The following ATPAF1 variants were observed in gnomAD, a reference collection of about 807,000 sequenced individuals.
ATPAF1 encodes ATP synthase mitochondrial F1 complex assembly factor 1.
Under a neutral mutation model 43.9 loss-of-function variants are expected in ATPAF1, and 26 were observed. That is an observed-to-expected ratio of 0.59 (90% CI 0.43 to 0.82). The LOEUF (loss-of-function observed/expected upper bound fraction) is 0.82. Among genes scored for constraint, ATPAF1 ranks in the 40% least tolerant of loss-of-function variants. The probability of loss-of-function intolerance (pLI) is 0.00; values close to 1 mark genes in which losing one functional copy is unlikely to be tolerated. For missense variants in ATPAF1, 366 were observed against 435.0 expected (o/e 0.84, Z 1.41); for synonymous variants, 157 against 168.0 (o/e 0.93, Z 0.50).
chr1:46,663,755 G>A, intron 2 of ATPAF1: 2 of 852,812 alleles, frequency 2.3e-6, no homozygotes, highest in East Asian at 8.6e-5. Context: ...GGCAAAAAAA[G>A]TATTTTCCAA....
chr1:46,662,272 T>C (rs1031707037), intron 2 of ATPAF1, among the ~76,000 whole-genome samples: 15 of 152,326 alleles, frequency 9.8e-5, no homozygotes, highest in African/African-American at 3.4e-4. Flanking sequence ...GTTTATAATA[T>C]AGTAATATTT....
At chr1:46,657,472 G>T (rs1165848803) in intron 4 of ATPAF1, among the ~76,000 whole-genome samples, 1 of 152,116 alleles carries the variant, frequency 6.6e-6, no homozygotes, top group Non-Finnish European at 1.5e-5. Flanking sequence ...GAACATTTGT[G>T]ACCAGGTTCC....
upstream of ATPAF1, chr1:46,668,452 G>C (rs1340177242): frequency 4.4e-6 from 5 of 1,133,702 alleles, no homozygotes; most frequent in Non-Finnish European, 4.3e-6. The surrounding 1 kb of genome is among the most constrained non-coding windows in gnomAD (Gnocchi z 4.4). Flanking sequence ...CCAAGGTTCC[G>C]GGCGCGGGAT....
At position 46,654,154 on chromosome 1, in the gene ATPAF1, C is replaced by T. The variant is rs76452199; in HGVS notation, c.490-287G>A. Among the ~76,000 whole-genome samples the T allele has an allele frequency of 5.9e-3, 903 of 152,228 alleles. 11 individuals carry two copies. Among genetic ancestry groups the T allele is most frequent in the East Asian group, 0.033 (173 of 5,184 alleles). On this transcript the variant is annotated intron_variant, in intron 4 of 8. Transcript: ENST00000574428. ...TATGTGCCTTGTGTGTGATAGACAA[C>T]TTCTTTTTTTTCACATTTTTATTTC...
intron 2 of ATPAF1, among the ~76,000 whole-genome samples, chr1:46,662,984 C>A (rs1354296284): frequency 1.3e-5 from 2 of 152,058 alleles, no homozygotes; most frequent in Admixed American, 6.5e-5. Context: ...TTCCTGTGTC[C>A]ATGTGTTCTC....
chr1:46,662,396 T>C (rs61784003), intron 2 of ATPAF1, among the ~76,000 whole-genome samples: 39,867 of 152,078 alleles, frequency 0.26, 5,526 homozygotes, highest in East Asian at 0.38. Context: ...GTAAACTCTA[T>C]TTGTCATAGG....
chr1:46,650,490 C>T (rs1404330726), intron 6 of ATPAF1, among the ~76,000 whole-genome samples: 1 of 152,026 alleles, frequency 6.6e-6, no homozygotes, highest in Non-Finnish European at 1.5e-5. Flanking sequence ...AAAAAGAGAA[C>T]TACCACATGA....
intron 2 of ATPAF1, among the ~76,000 whole-genome samples, chr1:46,662,718 C>T (rs898548583): frequency 4.6e-5 from 7 of 152,188 alleles, no homozygotes; most frequent in South Asian, 2.1e-4. Flanking sequence ...TGAGCCACTG[C>T]GCCTGGCAAC....
downstream of ATPAF1, chr1:46,634,230 G>A (rs915738489): frequency 4.2e-5 from 9 of 215,718 alleles, no homozygotes; most frequent in South Asian, 4.3e-4. Context: ...CACAAACTGC[G>A]AATACTGCTT....
At position 46,668,356 on chromosome 1, in the gene ATPAF1, G is replaced by C. The variant is rs1381802810; in HGVS notation, c.-34C>G. On this transcript the variant is annotated 5_prime_UTR_variant, in exon 1 of 9. Transcript: ENST00000574428. The surrounding 1 kb of genome is among the most constrained non-coding windows in gnomAD (Gnocchi z 4.4). ...CCGCCTCCTCCTCCTCCTCAGGCGC[G>C]TCGGCCTCGGCCCGCGGCCCGCGCG... 10 of 1,316,722 alleles carry C rather than the reference G, an allele frequency of 7.6e-6. No homozygotes were observed. The highest frequency in any genetic ancestry group is 9.7e-6 in the Non-Finnish European group (10 of 1,029,574). 81.6% of individuals were successfully genotyped at this position (1,316,722 alleles called of 1,614,324 possible).
intron 8 of ATPAF1, chr1:46,636,238 A>G (rs1675838721): frequency 1.9e-6 from 1 of 515,416 alleles, no homozygotes; most frequent in Admixed American, 3.2e-5. Context: ...TTCCTCAAAG[A>G]CATAGACCGT....
intron 8 of ATPAF1, among the ~76,000 whole-genome samples, chr1:46,638,249 C>T (rs1343910382): frequency 6.6e-6 from 1 of 152,168 alleles, no homozygotes; most frequent in Non-Finnish European, 1.5e-5. Context: ...GGTCCCTTCA[C>T]CTGTTTTAGC....
At chr1:46,642,598 G>A (rs1201294056) in intron 8 of ATPAF1, among the ~76,000 whole-genome samples, 1 of 152,128 alleles carries the variant, frequency 6.6e-6, no homozygotes, top group East Asian at 1.9e-4. Flanking sequence ...AATGATGAAT[G>A]TTGTATAAAT....
chr1:46,644,466 GGTT>G (rs1352963653), intron 7 of ATPAF1, among the ~76,000 whole-genome samples: 1 of 152,050 alleles, frequency 6.6e-6, no homozygotes. Flanking sequence ...CTCAATAAAG[GGTT>G]GTTAGACATA....
chr1:46,665,323 C>A (rs1433832311), exon 2 of ATPAF1: 2 of 1,614,280 alleles, frequency 1.2e-6, no homozygotes, highest in Non-Finnish European at 1.7e-6. Flanking sequence ...CCGAAATTCA[C>A]TGCGTTTCTC....
rs768670861 is a variant in ATPAF1 at position 46,652,635 on chromosome 1, G to A, written c.541-7C>T. On this transcript the variant is annotated splice_region_variant and splice_polypyrimidine_tract_variant and intron_variant, in intron 5 of 8. Coordinates refer to ENST00000574428, the Ensembl canonical transcript of ATPAF1. ...TCAAATCAAACTTTTCTGCCTGTAG[G>A]TTGGAAAAGAATAAAGTTAACCTAC... 1.2e-6 allele frequency: 2 copies of A among 1,611,876 alleles called. No individual in the cohort carries two copies. Among genetic ancestry groups the A allele is most frequent in the Non-Finnish European group, 1.7e-6 (2 of 1,178,618 alleles).
rs183964622 is a variant in ATPAF1 at position 46,648,326 on chromosome 1, G to T, written c.589-3070C>A. ...GGGTTTTCGCCATATTGGCCAGGCT[G>T]GTCTTGAACTTCGGACCTCAAGTGA... On this transcript the variant is annotated intron_variant, in intron 6 of 8. Coordinates refer to ENST00000574428, the Ensembl canonical transcript of ATPAF1. Among the ~76,000 whole-genome samples the T allele has an allele frequency of 2.3e-3, 350 of 152,198 alleles. 3 individuals carry two copies. The highest frequency in any genetic ancestry group is 8.0e-3 in the African/African-American group (333 of 41,524).
At chr1:46,634,871 C>T (rs966328804), downstream of ATPAF1, 2 of 152,588 alleles carry the variant, frequency 1.3e-5, no homozygotes, top group African/African-American at 2.4e-5. Context: ...ACACAATGGA[C>T]AGTACATAAC....
chr1:46,652,444 A>C, intron 6 of ATPAF1, 137 bp downstream of exon 6: 1 of 815,122 alleles, frequency 1.2e-6, no homozygotes, highest in Non-Finnish European at 1.9e-6. Context: ...TATTAGTACA[A>C]TCAACATGTG....
Sources: gnomAD v4.1 joint callset for allele counts (sites outside exome capture counted in the v4.1 genomes callset) on GRCh38, gnomAD v4.1.1 for gene constraint, Gnocchi (gnomAD v3.1) non-coding constraint, MANE v1.5 for transcripts, NCBI Gene and HGNC (gene_info 2026-07-23, HGNC 2026-07-21) for gene names.